The following STK36 variants were observed in gnomAD, a reference collection of about 807,000 sequenced individuals.
The protein encoded by STK36 is serine/threonine-protein kinase 36.
A neutral mutation model predicts 142.2 loss-of-function variants in STK36; 116 were observed. The observed-to-expected ratio is 0.82, with a 90% CI of 0.70 to 0.95. STK36 has a LOEUF of 0.95. Among genes scored for constraint, STK36 ranks in the 40% least tolerant of loss-of-function variants. STK36 has a pLI of 0.00. For missense variants in STK36, 1,422 were observed against 1,617.2 expected (o/e 0.88, Z 2.07); for synonymous variants, 619 against 641.7 (o/e 0.96, Z 0.53).
chr2:218,676,837 A>G (rs1467036558), intron 6 of STK36, among the ~76,000 whole-genome samples: 2 of 151,240 alleles, frequency 1.3e-5, no homozygotes, highest in African/African-American at 4.9e-5. Context: ...TTTTTAGTAG[A>G]GACGGGGTTT....
Position 218,676,077 on chromosome 2 carries a change from A to C in STK36, c.483A>C (p.Lys161Asn), listed in dbSNP as rs766838629. The C allele has an allele frequency of 1.9e-6, 3 of 1,614,100 alleles. No individual in the cohort carries two copies. The highest frequency in any genetic ancestry group is 2.5e-6 in the Non-Finnish European group (3 of 1,180,018). ...ATACAATGGTGCTGACATCCATCAA[A>C]GGCACACCACTCTATATGTCTCCAG... Reference protein sequence around the residue: ...STNTMVLTSIKGTPLYMSPEL... With the variant: ...STNTMVLTSINGTPLYMSPEL... Residue 161 changes from lysine to asparagine, a missense_variant, in exon 6 of 27, where the codon AAA becomes AAC. Physicochemically the swap from Lys to Asn is moderately conservative, Grantham distance 94. Around this residue, in one of 2 missense-constraint regions of STK36, gnomAD observed 460 missense variants for 449.6 expected, o/e 1.02. Coordinates refer to ENST00000295709, the MANE Select transcript of STK36 (RefSeq NM_015690.5).
At chr2:218,678,075 G>A (rs1001788142) in intron 6 of STK36, among the ~76,000 whole-genome samples, 1 of 152,176 alleles carries the variant, frequency 6.6e-6, no homozygotes, top group Non-Finnish European at 1.5e-5. Flanking sequence ...ACAGGCGTGA[G>A]CCACTGCTCC....
chr2:218,699,078 T>G lies in STK36; in HGVS notation c.3534T>G (p.Asn1178Lys). The G allele has an allele frequency of 6.2e-7, 1 of 1,614,040 alleles. No homozygotes were observed. The highest frequency in any genetic ancestry group is 8.5e-7 in the Non-Finnish European group (1 of 1,180,020). The change falls in exon 26 of 27, where the codon AAT (asparagine) becomes AAG (lysine). Residue 1178 changes from asparagine to lysine, a missense_variant. By Grantham distance (94) the Asn-to-Lys change is moderately conservative. This residue lies in a region of STK36 where 962 missense variants were observed against 1,167.5 expected (regional missense o/e 0.82). Coordinates refer to ENST00000295709, the MANE Select transcript of STK36 (RefSeq NM_015690.5). The stretch of plus-strand genomic sequence containing the variant: ...GCAGTGCCAGCTTTGCTGTGGGCAA[T>G]GCAGCCTACCAGGCTGGTCCTCTGG... ...VRCSASFAVG[N>K]AAYQAGPLGP...
At chr2:218,673,547 G>A (rs1379650625) in intron 2 of STK36, 78 bp from the exon 3 acceptor site, 11 of 1,520,236 alleles carry the variant, frequency 7.2e-6, no homozygotes, top group Middle Eastern at 1.8e-4. Flanking sequence ...GACTTCTGGA[G>A]CTCTGAGATT....
chr2:218,701,404 T>C (rs1209868535), intron 26 of STK36, among the ~76,000 whole-genome samples: 1 of 151,842 alleles, frequency 6.6e-6, no homozygotes, highest in East Asian at 1.9e-4. Flanking sequence ...CCTCCCAAAG[T>C]ACGGGATTAC....
Position 218,699,185 on chromosome 2 carries a change from C to G in STK36, c.3641C>G (p.Ser1214Ter), listed in dbSNP as rs1297311644. The change falls in exon 26 of 27, where the codon TCA becomes TGA. Residue 1214 changes from serine to a stop codon, truncating the protein, a stop_gained. Coordinates refer to ENST00000295709, the MANE Select transcript of STK36 (RefSeq NM_015690.5). LOFTEE classifies it high-confidence loss of function. The stretch of plus-strand genomic sequence containing the variant: ...GCTGGTATCCGGCGCAATGTTGCAT[C>G]AGCTCTGGGCAACTTGGGACCTGAA... Reference protein sequence around the residue: ...PQAGIRRNVASALGNLGPEGL... With the variant: ...PQAGIRRNVA The G allele has an allele frequency of 6.2e-7, 1 of 1,614,104 alleles. No homozygotes were observed. The highest frequency in any genetic ancestry group is 1.3e-5 in the African/African-American group (1 of 75,038).
chr2:218,696,846 A>C (rs1941251833), intron 22 of STK36, 193 bp from the exon 23 acceptor site: 1 of 941,202 alleles, frequency 1.1e-6, no homozygotes, highest in South Asian at 1.3e-5. Context: ...AGACATACAC[A>C]TGAGTTGTGA....
Position 218,685,190 on chromosome 2 carries a change from C to T in STK36, c.1342C>T (p.Gln448Ter). 6.2e-7 allele frequency: 1 copy of T among 1,614,208 alleles called. No individual in the cohort carries two copies. The highest frequency in any genetic ancestry group is 8.5e-7 in the Non-Finnish European group (1 of 1,180,038). Reference protein sequence around the residue: ...LTLLCNPDFCQRIQSQLHEAG... With the variant: ...LTLLCNPDFC ...CTTGCTGTGTAATCCTGACTTCTGC[C>T]AGCGCATCCAGAGTCAGCTGCATGA... The change falls in exon 11 of 27, where the codon CAG becomes TAG. Residue 448 changes from glutamine (Q) to a stop codon, truncating the protein, a stop_gained. Coordinates refer to ENST00000295709, the MANE Select transcript of STK36 (RefSeq NM_015690.5). LOFTEE classifies it high-confidence loss of function.
chr2:218,685,055 C>G, intron 10 of STK36, 30 bp from the exon 11 acceptor site: 3 of 1,613,592 alleles, frequency 1.9e-6, no homozygotes, highest in Non-Finnish European at 2.5e-6. Flanking sequence ...ACACACTACT[C>G]CTGACCCCTT....
intron 14 of STK36, 80 bp from the exon 15 acceptor site, chr2:218,692,063 A>T: frequency 6.5e-7 from 1 of 1,528,560 alleles, no homozygotes; most frequent in South Asian, 1.3e-5. Flanking sequence ...CTTTCCTCAG[A>T]TCCTCAGGGT....
rs1034590153 is a variant in STK36 at position 218,676,643 on chromosome 2, GT to G, written c.684+374del. On this transcript the variant is annotated intron_variant, in intron 6 of 26. Transcript: ENST00000295709. ...GCTTTTTTTTTTTTTTTGAGACACA[GT>G]TTTTTTTTCTTTTTTTTTTTTTGAG... Among the ~76,000 whole-genome samples the G allele has an allele frequency of 9.7e-5, 14 of 143,644 alleles. No homozygotes were observed. In the East Asian group the frequency reaches 2.6e-3, roughly 27 times the overall value. 94.2% of individuals were successfully genotyped at this position (143,644 alleles called of 152,430 possible). A position where few individuals can be genotyped will look rare whatever the true frequency, so the allele number is the denominator to read the frequency against.
Position 218,689,849 on chromosome 2 carries a change from T to A in STK36, c.1561-10T>A. 2 of 1,606,944 alleles carry A rather than the reference T, an allele frequency of 1.2e-6. No homozygotes were observed. Among genetic ancestry groups the A allele is most frequent in the Non-Finnish European group, 1.7e-6 (2 of 1,176,170 alleles). ...CATTGCCCTTACTCTCTTCTCCTTT[T>A]CCTGGGCAGCAATCTTGGTATGGGA... is the stretch of plus-strand genomic sequence containing the variant. On this transcript the variant is annotated splice_polypyrimidine_tract_variant and intron_variant, in intron 12 of 26. Transcript: ENST00000295709.
rs1559341263 is a variant in STK36, at chr2:218,692,707, G to C, written c.2040G>C (p.Glu680Asp). 1 of 1,611,664 alleles carries C rather than the reference G, an allele frequency of 6.2e-7. No individual in the cohort carries two copies. The highest frequency in any genetic ancestry group is 1.7e-5 in the Admixed American group (1 of 59,712). ...TGCCCGACTGCTGGGATGCCAAGGA[G>C]CAGGTCCGAGCTACAATTGGTTGTT... ...VGLPDCWDAK[E>D]QVCWHLANQL... The change falls in exon 16 of 27, where the codon GAG becomes GAC. Residue 680 changes from glutamate (E) to aspartate (D), a missense_variant. Physicochemically the swap from Glu to Asp is conservative, Grantham distance 45. Around this residue, in one of 2 missense-constraint regions of STK36, gnomAD observed 962 missense variants for 1,167.5 expected, o/e 0.82. Coordinates refer to ENST00000295709, the MANE Select transcript of STK36 (RefSeq NM_015690.5).
intron 26 of STK36, among the ~76,000 whole-genome samples, chr2:218,699,953 T>G (rs994562379): frequency 5.3e-5 from 8 of 152,126 alleles, no homozygotes; most frequent in Non-Finnish European, 1.5e-5. Flanking sequence ...AGACAGAGTT[T>G]CACTCGTACT....
At position 218,693,937 on chromosome 2, in the gene STK36, T is replaced by C. The variant is rs752632768; in HGVS notation, c.2290T>C (p.Tyr764His). 2 of 1,614,280 alleles carry C rather than the reference T, an allele frequency of 1.2e-6. No individual in the cohort carries two copies. Among genetic ancestry groups the C allele is most frequent in the East Asian group, 2.2e-5 (1 of 44,888 alleles). ...GGAAGAGTCTACTGAAGTGACACTC[T>C]ACTTCCTCTCCCTTCTTGTCTTTCG... ...DWEESTEVTL[Y>H]FLSLLVFRLQ... The change falls in exon 19 of 27, where the codon TAC becomes CAC. Residue 764 changes from tyrosine (Y) to histidine (H), a missense_variant. Around this residue, in one of 2 missense-constraint regions of STK36, gnomAD observed 962 missense variants for 1,167.5 expected, o/e 0.82. Coordinates refer to ENST00000295709, the MANE Select transcript of STK36 (RefSeq NM_015690.5).
Position 218,675,520 on chromosome 2 carries a change from CTT to C in STK36, c.434+67_434+68del, listed in dbSNP as rs33970984. ...CTAAGCTTCCAGTTCCACACGGAAT[CTT>C]TTTTTTTTTTTTTTTTTTTGAGATG... On this transcript the variant is annotated intron_variant, in intron 5 of 26. Transcript: ENST00000295709. 0.087 allele frequency: 95,448 copies of C among 1,095,578 alleles called. 77 individuals carry two copies. The highest frequency in any genetic ancestry group is 0.12 in the East Asian group (3,224 of 27,646). 67.9% of individuals were successfully genotyped at this position (1,095,578 alleles called of 1,614,324 possible). A position where few individuals can be genotyped will look rare whatever the true frequency, so the allele number is the denominator to read the frequency against.
At position 218,693,415 on chromosome 2, in the gene STK36, A is replaced by T. The variant is rs1941091202; in HGVS notation, c.2148+71A>T. 4.2e-6 allele frequency: 6 copies of T among 1,413,246 alleles called. No homozygotes were observed. The South Asian group carries it at 7.3e-5, about 17-fold the overall frequency. 87.5% of individuals were successfully genotyped at this position (1,413,246 alleles called of 1,614,324 possible). On this transcript the variant is annotated intron_variant, in intron 17 of 26. Transcript: ENST00000295709. ...AGTGCAGACAGAGAAGCAGAGAAAC[A>T]GACCAAGAGAGGAGGACTAAAAGAG...
In STK36 at chr2:218,676,125, C is replaced by G; in HGVS notation, c.531C>G (p.Tyr177Ter). The G allele has an allele frequency of 1.2e-6, 2 of 1,614,118 alleles. No individual in the cohort carries two copies. Among genetic ancestry groups the G allele is most frequent in the East Asian group, 4.5e-5 (2 of 44,880 alleles). ...MSPELVEERP[Y>*]DHTADLWSVG... ...CAGAGCTGGTGGAGGAGCGACCATA[C>G]GACCACACAGCGGACCTCTGGTCTG... The change falls in exon 6 of 27, where the codon TAC (tyrosine) becomes TAG (stop). Residue 177 changes from tyrosine (Y) to a stop codon, truncating the protein, a stop_gained. Coordinates refer to ENST00000295709, the MANE Select transcript of STK36 (RefSeq NM_015690.5). LOFTEE classifies it high-confidence loss of function.
At position 218,689,844 on chromosome 2, in the gene STK36, C is replaced by T; in HGVS notation, c.1561-15C>T. ...CTTCACATTGCCCTTACTCTCTTCT[C>T]CTTTTCCTGGGCAGCAATCTTGGTA... On this transcript the variant is annotated splice_polypyrimidine_tract_variant and intron_variant, in intron 12 of 26. Coordinates refer to ENST00000295709, the MANE Select transcript of STK36 (RefSeq NM_015690.5). The T allele has an allele frequency of 1.2e-6, 2 of 1,604,622 alleles. No individual in the cohort carries two copies. Among genetic ancestry groups the T allele is most frequent in the South Asian group, 1.1e-5 (1 of 89,210 alleles).
Sources: gnomAD v4.1 joint callset for allele counts (sites outside exome capture counted in the v4.1 genomes callset) on GRCh38, gnomAD v4.1.1 for gene constraint, gnomAD v4.1.1 regional missense constraint, MANE v1.5 for transcripts, NCBI Gene and HGNC (gene_info 2026-07-23, HGNC 2026-07-21) for gene names.